The following ANK1 variants were observed in gnomAD, a reference collection of about 807,000 sequenced individuals.
ANK1 encodes ankyrin-1.
In ANK1, 51 loss-of-function variants were observed where a neutral mutation model predicts 210.4. The observed-to-expected ratio is 0.24, with a 90% confidence interval of 0.19 to 0.31. The LOEUF (loss-of-function observed/expected upper bound fraction) is 0.31, where lower values mean the gene tolerates loss of function less well. ANK1 is among the 10% of genes least tolerant of loss of function. The pLI, the probability that ANK1 is intolerant of heterozygous loss-of-function variation, is 1.00. For missense variants in ANK1, 2,051 were observed against 2,504.4 expected, an observed-to-expected ratio of 0.82 and a Z score of 3.86; for synonymous variants, 967 against 1,025.9, an observed-to-expected ratio of 0.94 and a Z score of 1.10.
intron 1 of ANK1, among the ~76,000 whole-genome samples, chr8:41,840,715 A>T (rs1448444737): frequency 6.6e-6 from 1 of 152,232 alleles, no homozygotes; most frequent in Non-Finnish European, 1.5e-5. Context: ...GGGTCTCCAA[A>T]GACCGCCACA....
chr8:41,696,469 G>A lies in ANK1; in HGVS notation c.2854C>T (p.Arg952Cys), dbSNP rs774256719. Residue 952 changes from arginine to cysteine, a missense_variant, in exon 26 of 43, where the codon CGC becomes TGC. This residue lies in a region of ANK1 where 1,413 missense variants were observed against 1,707.4 expected (regional missense o/e 0.83). Transcript: ENST00000289734. The part of the protein sequence containing the change: ...TCAAPTRITC[R>C]LVKPQKLSTP... ...CTGAGCTTCTGGGGCTTGACCAGGC[G>A]GCAGGTGATGCGGGTGGGCGCTGCG... The A allele has an allele frequency of 8.7e-6, 14 of 1,613,280 alleles. No individual in the cohort carries two copies. The highest frequency in any genetic ancestry group is 1.7e-5 in the Admixed American group (1 of 59,984).
chr8:41,727,811 G>T, intron 4 of ANK1, 97 bp downstream of exon 4: 1 of 1,104,446 alleles, frequency 9.1e-7, no homozygotes, highest in Non-Finnish European at 1.4e-6. Context: ...AGTAGTGTGT[G>T]TGTTAACACG....
intron 1 of ANK1, among the ~76,000 whole-genome samples, chr8:41,873,480 C>T (rs1012210399): frequency 2.0e-5 from 3 of 152,172 alleles, no homozygotes; most frequent in Non-Finnish European, 4.4e-5. Flanking sequence ...TAATCTTATC[C>T]CCATTTTGCA....
intron 1 of ANK1, among the ~76,000 whole-genome samples, chr8:41,871,300 A>C (rs1294124707): frequency 1.3e-5 from 2 of 152,132 alleles, no homozygotes; most frequent in Non-Finnish European, 2.9e-5. Flanking sequence ...TGCTGGAGCT[A>C]TAGTAGATGC....
intron 41 of ANK1, 35 bp downstream of exon 41, chr8:41,661,841 T>C (rs1356899545): frequency 6.2e-7 from 1 of 1,614,108 alleles, no homozygotes; most frequent in East Asian, 2.2e-5. Flanking sequence ...GACCTCCAGC[T>C]CACTGGGATC....
At chr8:41,870,047 G>C (rs1815175897) in intron 1 of ANK1, among the ~76,000 whole-genome samples, 1 of 152,064 alleles carries the variant, frequency 6.6e-6, no homozygotes, top group African/African-American at 2.4e-5. Context: ...TTTAACCAGT[G>C]CCCTAGAGGC....
chr8:41,826,419 A>C (rs1805382822), intron 1 of ANK1, among the ~76,000 whole-genome samples: 1 of 151,806 alleles, frequency 6.6e-6, no homozygotes, highest in Non-Finnish European at 1.5e-5. Flanking sequence ...CCAGGTCTCA[A>C]AGACAGCCTA....
intron 1 of ANK1, among the ~76,000 whole-genome samples, chr8:41,833,363 G>A (rs1228770884): frequency 6.6e-6 from 1 of 152,206 alleles, no homozygotes; most frequent in Non-Finnish European, 1.5e-5. Context: ...AAACCCACGG[G>A]TCTGTGCAAT....
At chr8:41,783,541 A>G (rs1237440676) in intron 1 of ANK1, among the ~76,000 whole-genome samples, 2 of 152,030 alleles carry the variant, frequency 1.3e-5, no homozygotes, top group Non-Finnish European at 2.9e-5. Context: ...CCTTTTCCTC[A>G]TTGAACCCCT....
At chr8:41,884,831 CAAAAT>C (rs1818182075) in intron 1 of ANK1, among the ~76,000 whole-genome samples, 1 of 151,900 alleles carries the variant, frequency 6.6e-6, no homozygotes, top group Admixed American at 6.6e-5. Context: ...GACCTTGTCT[CAAAAT>C]AAATAAACAA....
intron 18 of ANK1, among the ~76,000 whole-genome samples, chr8:41,705,250 A>G (rs1295120548): frequency 6.6e-6 from 1 of 152,230 alleles, no homozygotes; most frequent in Non-Finnish European, 1.5e-5. Context: ...ACCCAAGCAC[A>G]GATCCTCCCC....
rs1831133564 is a variant in ANK1 at position 41,727,911 on chromosome 8, T to C, written c.324A>G (p.Ser108=). The C allele has an allele frequency of 6.2e-7, 1 of 1,614,154 alleles. No homozygotes were observed. Among genetic ancestry groups the C allele is most frequent in the African/African-American group, 1.3e-5 (1 of 75,054 alleles). The change falls in exon 4 of 43, where the codon TCA becomes TCG. Residue 108 remains serine (S), a synonymous_variant. Transcript: ENST00000289734. The stretch of plus-strand genomic sequence containing the variant: ...GTCCAGACCAGAGAGCCATTACCTG[T>C]GACTGGGCGTTGACGTTGGCTCCAT... ...VNYGANVNAQ[S]QKGFTPLYMA... is the part of the protein sequence containing the mutation.
intron 6 of ANK1, 24 bp downstream of exon 6, chr8:41,725,737 C>T: frequency 6.2e-7 from 1 of 1,602,026 alleles, no homozygotes; most frequent in East Asian, 2.2e-5. Context: ...CGGCCCAAGG[C>T]TCCTCCCTCC....
intron 1 of ANK1, among the ~76,000 whole-genome samples, chr8:41,763,881 C>CTTTTTTGTT (rs1841052618): frequency 1.4e-5 from 1 of 72,138 alleles, no homozygotes; most frequent in Non-Finnish European, 2.7e-5. Context: ...TTCTTTTTTT[C>CTTTTTTGTT]TTTTTTTCTT....
At chr8:41,807,717 G>C (rs991985980) in intron 1 of ANK1, among the ~76,000 whole-genome samples, 1 of 152,154 alleles carries the variant, frequency 6.6e-6, no homozygotes. Flanking sequence ...TTAGGGCATT[G>C]ACTTCCTCTC....
intron 1 of ANK1, among the ~76,000 whole-genome samples, chr8:41,846,677 G>A (rs118029898): frequency 3.1e-3 from 470 of 152,344 alleles, no homozygotes; most frequent in Admixed American, 6.4e-3. Context: ...GAATTGATCC[G>A]TGCCTTATCC....
In ANK1 at chr8:41,831,652, AAAAGAAGAAG is replaced by A. The variant is rs1806660951; in HGVS notation, c.126+64693_126+64702del. Among the ~76,000 whole-genome samples, 3 of 129,252 alleles carry A rather than the reference AAAAGAAGAAG, an allele frequency of 2.3e-5. No homozygotes were observed. In the East Asian group the frequency reaches 9.8e-4, roughly 42 times the overall value. The allele number at this position is 129,252 out of a possible 152,430, so 84.8% of individuals were successfully genotyped here. A position where few individuals can be genotyped will look rare whatever the true frequency, so the allele number is the denominator to read the frequency against. On this transcript the variant is annotated intron_variant, in intron 1 of 42. Coordinates refer to the ANK1 transcript ENST00000265709. ...GCAAAAGTCTGTCAAAAAAAAAAAA[AAAAGAAGAAG>A]AAAAAGAAAAAAGGAATGAAAGGAA...
At chr8:41,867,525 T>A (rs1448148116) in intron 1 of ANK1, among the ~76,000 whole-genome samples, 3 of 152,128 alleles carry the variant, frequency 2.0e-5, no homozygotes, top group Admixed American at 2.0e-4. Context: ...CCACAGCAAA[T>A]GACTCCCAGA....
At chr8:41,657,031 G>A (rs887613991) in intron 42 of ANK1, among the ~76,000 whole-genome samples, 4 of 152,010 alleles carry the variant, frequency 2.6e-5, no homozygotes, top group Non-Finnish European at 5.9e-5. Flanking sequence ...CTCTGCCTTC[G>A]GTCACGCTTC....
Sources: gnomAD v4.1 joint callset for allele counts (sites outside exome capture counted in the v4.1 genomes callset) on GRCh38, gnomAD v4.1.1 for gene constraint, gnomAD v4.1.1 regional missense constraint, MANE v1.5 for transcripts, NCBI Gene and HGNC (gene_info 2026-07-23, HGNC 2026-07-21) for gene names.